PTPRS: variants seen among roughly 807,000 people sequenced by gnomAD.
PTPRS encodes receptor-type tyrosine-protein phosphatase S.
In PTPRS, 63 loss-of-function variants were observed where a neutral mutation model predicts 215.3. The ratio of observed to expected loss-of-function variants is 0.29; its 90% CI spans 0.24 to 0.36. PTPRS has a LOEUF of 0.36. Ranked by LOEUF, PTPRS falls within the 10% of genes least tolerant of loss-of-function variation. The probability of loss-of-function intolerance (pLI) is 1.00; values close to 1 mark genes in which losing one functional copy is unlikely to be tolerated. For missense variants in PTPRS, 2,258 were observed against 2,825.8 expected (o/e 0.80, Z 4.56); for synonymous variants, 1,404 against 1,191.4 (o/e 1.18, Z -3.68).
At chr19:5,247,220 T>TAATA (rs2044579886) in intron 9 of PTPRS, among the ~76,000 whole-genome samples, 1 of 132,832 alleles carries the variant, frequency 7.5e-6, no homozygotes, top group African/African-American at 2.7e-5. Flanking sequence ...TAATAATAAT[T>TAATA]AATAATAATA....
intron 1 of PTPRS, among the ~76,000 whole-genome samples, chr19:5,317,750 TA>T (rs2049916233): frequency 6.6e-6 from 1 of 151,764 alleles, no homozygotes. Flanking sequence ...ACCTAGAAAT[TA>T]GTAAGGGGCC....
Position 5,286,061 on chromosome 19 carries a change from C to A in PTPRS, c.80G>T (p.Cys27Phe), listed in dbSNP as rs61729776. The A allele has an allele frequency of 6.2e-7, 1 of 1,613,620 alleles. No individual in the cohort carries two copies. The highest frequency in any genetic ancestry group is 8.5e-7 in the Non-Finnish European group (1 of 1,179,568). ...TGCCGGCTTCTTACCTTCTGCTGCA[C>A]AGCCTCCAACGAGCAGGACCACAAG... is the stretch of plus-strand genomic sequence containing the variant. The part of the protein sequence containing the change: ...GLLVVLLVGG[C>F]AAEEPPRFIK... Residue 27 changes from cysteine to phenylalanine, a missense_variant, in exon 2 of 38, where the codon TGT becomes TTT. Transcript: ENST00000262963.
chr19:5,264,955 C>CG (rs2046295949), intron 5 of PTPRS, 53 bp downstream of exon 5: 2 of 1,590,980 alleles, frequency 1.3e-6, no homozygotes, highest in Non-Finnish European at 1.7e-6. Context: ...AGATGCTCCC[C>CG]ACCCCCTGCT....
chr19:5,241,051 G>A (rs879499047), intron 11 of PTPRS, among the ~76,000 whole-genome samples: 2 of 149,414 alleles, frequency 1.3e-5, no homozygotes, highest in Non-Finnish European at 3.0e-5. Context: ...CACCACGCCC[G>A]GCTAACTTTT....
intron 1 of PTPRS, among the ~76,000 whole-genome samples, chr19:5,291,740 T>C (rs2048836151): frequency 7.3e-6 from 1 of 137,814 alleles, no homozygotes; most frequent in African/African-American, 2.6e-5. Context: ...ACGAGATGCC[T>C]CCACTCCAAG....
chr19:5,297,324 A>G (rs962815764), intron 1 of PTPRS, among the ~76,000 whole-genome samples: 1 of 152,220 alleles, frequency 6.6e-6, no homozygotes. Context: ...ATCAGCATAA[A>G]GAAGAAAATA....
At chr19:5,279,743 C>T (rs1225289719) in intron 2 of PTPRS, among the ~76,000 whole-genome samples, 1 of 151,952 alleles carries the variant, frequency 6.6e-6, no homozygotes, top group African/African-American at 2.4e-5. Flanking sequence ...AGTGCTGTGG[C>T]GTGATCTCGG....
At chr19:5,262,665 C>T (rs1052615666) in intron 6 of PTPRS, among the ~76,000 whole-genome samples, 1 of 152,246 alleles carries the variant, frequency 6.6e-6, no homozygotes, top group Non-Finnish European at 1.5e-5. Context: ...TCTGAACCCC[C>T]CTCAGCCTGC....
In PTPRS at chr19:5,274,280, G is replaced by C; in HGVS notation, c.156C>G (p.Phe52Leu). ...TGGGGTCACCCGTGGCCTGACACAC[G>C]AAAGAGGCCACACCCCCCGACACGC... ...QIGVSGGVAS[F>L]VCQATGDPKP... Residue 52 changes from phenylalanine (F) to leucine (L), a missense_variant, in exon 3 of 38, where the codon TTC becomes TTG. By Grantham distance (22) the Phe-to-Leu change is conservative (BLOSUM62 0). Around this residue, in one of 6 missense-constraint regions of PTPRS, gnomAD observed 508 missense variants for 799.4 expected, o/e 0.64. Coordinates refer to ENST00000262963, the MANE Select transcript of PTPRS (RefSeq NM_002850.4). 6.2e-7 allele frequency: 1 copy of C among 1,613,922 alleles called. No individual in the cohort carries two copies. Among genetic ancestry groups the C allele is most frequent in the Non-Finnish European group, 8.5e-7 (1 of 1,179,970 alleles).
chr19:5,227,891 C>T (rs759296176), intron 16 of PTPRS, among the ~76,000 whole-genome samples: 6 of 152,132 alleles, frequency 3.9e-5, no homozygotes, highest in Admixed American at 1.3e-4. Context: ...AACACCTGTG[C>T]ACACGATCAC....
intron 7 of PTPRS, 52 bp downstream of exon 7, chr19:5,260,753 A>G: frequency 5.0e-6 from 8 of 1,608,386 alleles, no homozygotes; most frequent in South Asian, 2.2e-5. Flanking sequence ...TGAGGGGCTG[A>G]GTGGGCAGCA....
chr19:5,214,278 T>TG, intron 30 of PTPRS, 83 bp downstream of exon 30: 1 of 1,586,594 alleles, frequency 6.3e-7, no homozygotes, highest in Admixed American at 1.7e-5. Flanking sequence ...CATGGGGAGC[T>TG]CCCTGGGTAG....
chr19:5,230,583 G>T (rs574744651), intron 14 of PTPRS, among the ~76,000 whole-genome samples: 38 of 152,268 alleles, frequency 2.5e-4, no homozygotes, highest in Middle Eastern at 3.4e-3. Context: ...TCAGCGTCTT[G>T]AGTAGCTGAG....
rs1300612930 is a variant in PTPRS at position 5,210,407 on chromosome 19, G to C, written c.5487+62C>G. On this transcript the variant is annotated intron_variant, in intron 35 of 37. Transcript: ENST00000262963. The surrounding 1 kb of genome is among the most constrained non-coding windows in gnomAD (Gnocchi z 4.5). ...TGGCCTTTGTATCCATCACCAACCA[G>C]GGCAGCCCTTTCCAGATCACTAAGG... 1 of 1,608,828 alleles carries C rather than the reference G, an allele frequency of 6.2e-7. No homozygotes were observed. Among genetic ancestry groups the C allele is most frequent in the Non-Finnish European group, 8.5e-7 (1 of 1,176,808 alleles).
At position 5,242,487 on chromosome 19, in the gene PTPRS, C is replaced by T. The variant is rs1235734012; in HGVS notation, c.1570+1414G>A. 5.3e-5 allele frequency among the ~76,000 whole-genome samples: 8 copies of T among 151,598 alleles called. No homozygotes were observed. The East Asian group carries it at 1.2e-3, about 22-fold the overall frequency. ...AGTTCAAGTGATTCTCCTGCCTCAG[C>T]CTCCTGAGTAGCTGGAACTACAGGC... On this transcript the variant is annotated intron_variant, in intron 11 of 37. Coordinates refer to ENST00000262963, the MANE Select transcript of PTPRS (RefSeq NM_002850.4).
intron 1 of PTPRS, among the ~76,000 whole-genome samples, chr19:5,326,001 C>A (rs1229469164): frequency 1.3e-5 from 2 of 152,154 alleles, no homozygotes; most frequent in Non-Finnish European, 2.9e-5. Flanking sequence ...GAGGCTGGGG[C>A]AGGCAGATCA....
At position 5,246,053 on chromosome 19, in the gene PTPRS, G is replaced by A. The variant is rs2044449452; in HGVS notation, c.719-8C>T. 4.1e-6 allele frequency: 6 copies of A among 1,456,554 alleles called. No homozygotes were observed. Among genetic ancestry groups the A allele is most frequent in the Non-Finnish European group, 5.5e-6 (6 of 1,097,970 alleles). 90.2% of individuals were successfully genotyped at this position (1,456,554 alleles called of 1,614,324 possible). The stretch of plus-strand genomic sequence containing the variant: ...GCGGGGCCACGCGGCGGACTGGGGA[G>A]GGGGCGGCAGTGGCGGCGGGAGGGA... On this transcript the variant is annotated splice_region_variant and splice_polypyrimidine_tract_variant and intron_variant, in intron 9 of 37. Transcript: ENST00000262963.
At chr19:5,319,843 T>C (rs1450120109) in intron 1 of PTPRS, among the ~76,000 whole-genome samples, 1 of 152,046 alleles carries the variant, frequency 6.6e-6, no homozygotes, top group Admixed American at 6.6e-5. Flanking sequence ...AAGCCGTCCC[T>C]ACAGCCCCAT....
Position 5,225,953 on chromosome 19 carries a change from G to A in PTPRS, c.2377-109C>T, listed in dbSNP as rs1317280668. ...AAGGAGGATGCAGGGCCCGGATCAG[G>A]GGTGGAGACGTGCACATGAGCTCAT... On this transcript the variant is annotated intron_variant, in intron 16 of 37. Transcript: ENST00000262963. The A allele has an allele frequency of 4.7e-6, 4 of 859,306 alleles. No homozygotes were observed. The African/African-American group carries it at 6.6e-5, about 14-fold the overall frequency. 53.2% of individuals were successfully genotyped at this position (859,306 alleles called of 1,614,324 possible). A position where few individuals can be genotyped will look rare whatever the true frequency, so the allele number is the denominator to read the frequency against.
Sources: allele counts gnomAD v4.1 joint callset (sites outside exome capture counted in the v4.1 genomes callset), GRCh38; gene constraint gnomAD v4.1.1; regional missense constraint gnomAD v4.1.1; non-coding constraint Gnocchi (gnomAD v3.1); transcripts MANE v1.5; gene names NCBI Gene and HGNC (gene_info 2026-07-23, HGNC 2026-07-21).